The following ZNF423 variants were observed in gnomAD, a reference collection of about 807,000 sequenced individuals.
ZNF423 encodes Ebf-associated zinc finger protein.
Under a neutral mutation model 95.8 loss-of-function variants are expected in ZNF423, and 12 were observed. The ratio of observed to expected loss-of-function variants is 0.13; its 90% CI spans 0.08 to 0.20. The LOEUF is 0.20. Ranked by LOEUF, ZNF423 falls within the 10% of genes least tolerant of loss-of-function variation. ZNF423 has a pLI of 1.00. For synonymous variants in ZNF423, 749 were observed against 711.9 expected (o/e 1.05, Z -0.83); for missense variants, 1,316 against 1,737.1 (o/e 0.76, Z 4.31).
At chr16:49,534,958 G>A (rs117254117) in intron 5 of ZNF423, among the ~76,000 whole-genome samples, 243 of 152,214 alleles carry the variant, frequency 1.6e-3, no homozygotes, top group South Asian at 9.3e-3. Flanking sequence ...TGATGCTCTT[G>A]GACCCAAGTT....
chr16:49,782,450 A>G (rs2034228026), intron 2 of ZNF423, among the ~76,000 whole-genome samples: 2 of 152,220 alleles, frequency 1.3e-5, no homozygotes, highest in African/African-American at 4.8e-5. Flanking sequence ...CCAGAGCAAG[A>G]AGACCTGTCC....
chr16:49,843,260 C>T (rs1016529875), intron 1 of ZNF423, among the ~76,000 whole-genome samples: 1 of 152,198 alleles, frequency 6.6e-6, no homozygotes, highest in Non-Finnish European at 1.5e-5. Flanking sequence ...CTGGAAGCAA[C>T]TAAATGTTCA....
chr16:49,569,340 C>T (rs1346123062), intron 5 of ZNF423, among the ~76,000 whole-genome samples: 1 of 152,210 alleles, frequency 6.6e-6, no homozygotes, highest in African/African-American at 2.4e-5. Flanking sequence ...TCCAAGACTT[C>T]TGGATAATCC....
intron 5 of ZNF423, among the ~76,000 whole-genome samples, chr16:49,526,571 G>C (rs890122778): frequency 1.3e-5 from 2 of 152,158 alleles, no homozygotes; most frequent in Non-Finnish European, 2.9e-5. Context: ...GCAGTAAGAT[G>C]GGGACCACCT....
chr16:49,597,425 C>T (rs1185654685), intron 5 of ZNF423, among the ~76,000 whole-genome samples: 1 of 152,144 alleles, frequency 6.6e-6, no homozygotes, highest in Non-Finnish European at 1.5e-5. Flanking sequence ...TTAAAAAAGT[C>T]TCATTCATAA....
chr16:49,507,795 T>G (rs918503576), intron 7 of ZNF423, among the ~76,000 whole-genome samples: 3 of 152,172 alleles, frequency 2.0e-5, no homozygotes, highest in Non-Finnish European at 2.9e-5. Flanking sequence ...ACCAATGAGA[T>G]AATAATTGCA....
rs889847970 is a variant in ZNF423 at position 49,555,874 on chromosome 16, G to A, written c.3602-30380C>T. 7.2e-5 allele frequency among the ~76,000 whole-genome samples: 11 copies of A among 152,302 alleles called. 1 individual carries two copies. The South Asian group carries it at 1.5e-3, about 20-fold the overall frequency. ...ATTGATGGGATGAGGAGGTTGAAAG[G>A]ATGGATAGATGGATGGGTGGATGTC... On this transcript the variant is annotated intron_variant, in intron 5 of 7. Transcript: ENST00000563137.
chr16:49,547,164 T>A (rs1389199544), intron 5 of ZNF423, among the ~76,000 whole-genome samples: 1 of 152,092 alleles, frequency 6.6e-6, no homozygotes, highest in African/African-American at 2.4e-5. Context: ...GGTGCAATGG[T>A]TTATTTCTCA....
At chr16:49,758,256 G>A (rs1178785163) in intron 2 of ZNF423, among the ~76,000 whole-genome samples, 2 of 151,928 alleles carry the variant, frequency 1.3e-5, no homozygotes, top group Non-Finnish European at 2.9e-5. Flanking sequence ...CTCCTGCCTC[G>A]GCCTCCCGAG....
intron 1 of ZNF423, among the ~76,000 whole-genome samples, chr16:49,819,421 T>C (rs1048492135): frequency 6.6e-6 from 1 of 151,968 alleles, no homozygotes; most frequent in Non-Finnish European, 1.5e-5. Context: ...AGAGCACATG[T>C]TACTGTTAGT....
intron 3 of ZNF423, among the ~76,000 whole-genome samples, chr16:49,720,829 G>C (rs2032843896): frequency 6.6e-6 from 1 of 152,156 alleles, no homozygotes; most frequent in Non-Finnish European, 1.5e-5. Context: ...CAGCTCTCAG[G>C]CCCAGTGGTC....
rs769832881 is a variant in ZNF423 at position 49,626,278 on chromosome 16, G to C, written c.3517-24C>G. 5.6e-6 allele frequency: 9 copies of C among 1,610,582 alleles called. No individual in the cohort carries two copies. In the Admixed American group the frequency reaches 1.2e-4, roughly 21 times the overall value. Reference sequence around the variant, plus strand: ...TTCTGTTTGGAAACCAAAAATAAAAGATTTAGAGAGGCAGGAGGTAGGAAA... The same window carrying C: ...TTCTGTTTGGAAACCAAAAATAAAACATTTAGAGAGGCAGGAGGTAGGAAA... On this transcript the variant is annotated intron_variant, in intron 4 of 7. Transcript: ENST00000563137.
At chr16:49,800,626 C>T (rs1219491413) in intron 1 of ZNF423, among the ~76,000 whole-genome samples, 3 of 152,068 alleles carry the variant, frequency 2.0e-5, no homozygotes, top group African/African-American at 7.3e-5. Context: ...GAGGATGTGC[C>T]CAATGTGAGC....
rs1439026922 is a variant in ZNF423 at position 49,514,070 on chromosome 16, G to A, written c.3849+9554C>T. Among the ~76,000 whole-genome samples the A allele has an allele frequency of 2.0e-5, 3 of 151,580 alleles. No individual in the cohort carries two copies. In the East Asian group the frequency reaches 5.9e-4, roughly 30 times the overall value. ...CTGAGAACACCCCAAATCTGCTTGG[G>A]CCTCAGATACTTGGTACTGGCTCTT... On this transcript the variant is annotated intron_variant, in intron 7 of 7. Transcript: ENST00000563137.
intron 3 of ZNF423, among the ~76,000 whole-genome samples, chr16:49,657,372 G>A (rs991053272): frequency 6.6e-6 from 1 of 152,238 alleles, no homozygotes; most frequent in African/African-American, 2.4e-5. Flanking sequence ...CATGAGCTTG[G>A]TCCAATTTTA....
chr16:49,798,149 G>A (rs1362969165), intron 1 of ZNF423, among the ~76,000 whole-genome samples: 1 of 152,206 alleles, frequency 6.6e-6, no homozygotes, highest in Non-Finnish European at 1.5e-5. Context: ...GTTCGAGGCT[G>A]CAGTGAGCTA....
At chr16:49,493,469 C>A (rs1397025642) in intron 7 of ZNF423, among the ~76,000 whole-genome samples, 1 of 152,226 alleles carries the variant, frequency 6.6e-6, no homozygotes, top group East Asian at 1.9e-4. Context: ...GGCCTCCAAT[C>A]CCCAGCAGGC....
chr16:49,668,511 A>G (rs560422103), intron 3 of ZNF423, among the ~76,000 whole-genome samples: 1 of 152,278 alleles, frequency 6.6e-6, no homozygotes, highest in South Asian at 2.1e-4. Flanking sequence ...AGAAGGTCCC[A>G]CTGGGCTAGT....
intron 5 of ZNF423, among the ~76,000 whole-genome samples, chr16:49,556,126 AC>A (rs1315232735): frequency 1.3e-5 from 2 of 152,186 alleles, no homozygotes; most frequent in Non-Finnish European, 2.9e-5. Context: ...GTCTCTTCCG[AC>A]CTTCGGAGCT....
Sources: allele counts gnomAD v4.1 joint callset (sites outside exome capture counted in the v4.1 genomes callset), GRCh38; gene constraint gnomAD v4.1.1; transcripts MANE v1.5; gene names NCBI Gene and HGNC (gene_info 2026-07-23, HGNC 2026-07-21).